The following ST8SIA3 variants were observed in gnomAD, a reference collection of about 807,000 sequenced individuals.
ST8SIA3 encodes ST8 alpha-N-acetyl-neuraminide alpha-2,8-sialyltransferase 3.
In ST8SIA3, 17 loss-of-function variants were observed where a neutral mutation model predicts 34.5. The observed-to-expected ratio is 0.49, with a 90% CI of 0.34 to 0.74. The LOEUF (loss-of-function observed/expected upper bound fraction) is 0.74. ST8SIA3 is among the 30% of genes least tolerant of loss of function. The pLI, the probability that ST8SIA3 is intolerant of heterozygous loss-of-function variation, is 0.01. For synonymous variants in ST8SIA3, 172 were observed against 176.1 expected (o/e 0.98, Z 0.19); for missense variants, 354 against 467.8 (o/e 0.76, Z 2.24).
At position 57,352,598 on chromosome 18, in the gene ST8SIA3, G is replaced by C. The variant is rs528384351; in HGVS notation, c.-249G>C. The C allele has an allele frequency of 4.6e-5, 24 of 516,884 alleles. No individual in the cohort carries two copies. Among genetic ancestry groups the C allele is most frequent in the South Asian group, 9.2e-5 (5 of 54,382 alleles). The allele number at this position is 516,884 out of a possible 1,614,324, so 32.0% of individuals were successfully genotyped here. On this transcript the variant is annotated 5_prime_UTR_variant, in exon 1 of 4. Coordinates refer to ENST00000324000, the MANE Select transcript of ST8SIA3 (RefSeq NM_015879.3). ...GCGCAGCCCCTCCATCTTCCTGCTCGGCACCGGGCCCCGCGCGCCCCTGCC... is the reference window on the plus strand; with the variant it reads ...GCGCAGCCCCTCCATCTTCCTGCTCCGCACCGGGCCCCGCGCGCCCCTGCC...
intron 3 of ST8SIA3, among the ~76,000 whole-genome samples, chr18:57,357,683 G>A (rs1410541233): frequency 6.6e-6 from 1 of 152,150 alleles, no homozygotes; most frequent in Non-Finnish European, 1.5e-5. Context: ...GTGTCAGATG[G>A]AAGGATTGGG....
rs1185173125 is a variant in ST8SIA3, at chr18:57,365,476, C to T, written c.*5199C>T. On this transcript the variant is annotated 3_prime_UTR_variant, in exon 4 of 4. Transcript: ENST00000324000. ...CTTTAATATACACTTTGTCTCAAGGCCAGCTCTTCATATTTCCCTCTTTAT... is the reference window on the plus strand; with the variant it reads ...CTTTAATATACACTTTGTCTCAAGGTCAGCTCTTCATATTTCCCTCTTTAT... 6.6e-6 allele frequency: 1 copy of T among 152,166 alleles called. No individual in the cohort carries two copies. The highest frequency in any genetic ancestry group is 6.5e-5 in the Admixed American group (1 of 15,280). 9.4% of individuals were successfully genotyped at this position (152,166 alleles called of 1,614,324 possible).
At chr18:57,355,040 A>G (rs147955360) in intron 2 of ST8SIA3, among the ~76,000 whole-genome samples, 3 of 152,322 alleles carry the variant, frequency 2.0e-5, no homozygotes, top group African/African-American at 7.2e-5. Context: ...GTATGTAGAT[A>G]TTTAACTATG....
intron 3 of ST8SIA3, among the ~76,000 whole-genome samples, chr18:57,357,754 A>C (rs2049807613): frequency 6.6e-6 from 1 of 152,220 alleles, no homozygotes; most frequent in Admixed American, 6.5e-5. Context: ...GCTATGGAGC[A>C]GTCATGGAAA....
Position 57,352,939 on chromosome 18 carries a change from G to T in ST8SIA3, c.93G>T (p.Val31=). 1 of 1,613,552 alleles carries T rather than the reference G, an allele frequency of 6.2e-7. No homozygotes were observed. The part of the protein sequence containing the change: ...ALLILSLISY[V]SLKKENIFTT... ...TGATTTTATCGCTCATCAGCTACGT[G>T]TCCCTGAAAAAGGAGAACATCTTCA... The change falls in exon 1 of 4, where the codon GTG becomes GTT. Residue 31 remains valine (V), a synonymous_variant. Coordinates refer to ENST00000324000, the MANE Select transcript of ST8SIA3 (RefSeq NM_015879.3).
rs2049824921 is a variant in ST8SIA3 at position 57,360,628 on chromosome 18, C to T, written c.*351C>T. The T allele has an allele frequency of 5.1e-6, 1 of 197,432 alleles. No individual in the cohort carries two copies. Among genetic ancestry groups the T allele is most frequent in the South Asian group, 1.3e-4 (1 of 7,744 alleles). 12.2% of individuals were successfully genotyped at this position (197,432 alleles called of 1,614,324 possible). A position where few individuals can be genotyped will look rare whatever the true frequency, so the allele number is the denominator to read the frequency against. ...TTTCTGCAGCTCTGCTCAGATAGTCCTCATAATCAGAGGCCTCTGGCCAAC... is the reference window on the plus strand; with the variant it reads ...TTTCTGCAGCTCTGCTCAGATAGTCTTCATAATCAGAGGCCTCTGGCCAAC... On this transcript the variant is annotated 3_prime_UTR_variant, in exon 4 of 4. Transcript: ENST00000324000.
At chr18:57,355,446 A>C (rs1311988376) in intron 2 of ST8SIA3, among the ~76,000 whole-genome samples, 1 of 152,222 alleles carries the variant, frequency 6.6e-6, no homozygotes, top group Non-Finnish European at 1.5e-5. Context: ...ATCTATGGGC[A>C]GAATTAAAAC....
At chr18:57,358,989 A>G (rs536411284) in intron 3 of ST8SIA3, among the ~76,000 whole-genome samples, 55 of 152,344 alleles carry the variant, frequency 3.6e-4, no homozygotes, top group African/African-American at 1.2e-3. Flanking sequence ...GAAATCTTCA[A>G]GTAGTGAAGA....
rs1478294539 is a variant in ST8SIA3 at position 57,365,216 on chromosome 18, TC to T, written c.*4941del. ...CATTTGGAAACCAGTAATATATACA[TC>T]CGGAGTCATATATACCATTTTGAAC... On this transcript the variant is annotated 3_prime_UTR_variant, in exon 4 of 4. Transcript: ENST00000324000. The T allele has an allele frequency of 1.3e-5, 2 of 152,188 alleles. No individual in the cohort carries two copies. The highest frequency in any genetic ancestry group is 2.9e-5 in the Non-Finnish European group (2 of 68,038). 9.4% of individuals were successfully genotyped at this position (152,188 alleles called of 1,614,324 possible). A position where few individuals can be genotyped will look rare whatever the true frequency, so the allele number is the denominator to read the frequency against.
At chr18:57,353,778 C>T (rs146335686) in intron 1 of ST8SIA3, among the ~76,000 whole-genome samples, 62 of 152,306 alleles carry the variant, frequency 4.1e-4, no homozygotes, top group Non-Finnish European at 7.1e-4. Context: ...ACTCTCCCAG[C>T]AGGGCCTCCT....
Position 57,360,021 on chromosome 18 carries a change from C to T in ST8SIA3, c.887C>T (p.Pro296Leu), listed in dbSNP as rs774863901. The change falls in exon 4 of 4, where the codon CCT becomes CTT. Residue 296 changes from proline (P) to leucine (L), a missense_variant. Coordinates refer to ENST00000324000, the MANE Select transcript of ST8SIA3 (RefSeq NM_015879.3). The part of the protein sequence containing the change: ...NRYWKNKHLS[P>L]KRLSTGILMY... ...TACTGGAAAAACAAACATTTGTCAC[C>T]TAAACGGCTGAGCACAGGTATTCTT... 1 of 1,612,852 alleles carries T rather than the reference C, an allele frequency of 6.2e-7. No individual in the cohort carries two copies. Among genetic ancestry groups the T allele is most frequent in the Non-Finnish European group, 8.5e-7 (1 of 1,178,904 alleles).
At position 57,354,534 on chromosome 18, in the gene ST8SIA3, G is replaced by A. The variant is rs776057616; in HGVS notation, c.302+10G>A. The stretch of plus-strand genomic sequence containing the variant: ...CGTTTTTACATCAAAGGTAGGATAG[G>A]AGGAAAAGATCCAAAAGGTGCTTTT... On this transcript the variant is annotated intron_variant, in intron 2 of 3. Transcript: ENST00000324000. 1 of 1,613,802 alleles carries A rather than the reference G, an allele frequency of 6.2e-7. No individual in the cohort carries two copies.
At position 57,353,844 on chromosome 18, in the gene ST8SIA3, G is replaced by A. The variant is rs139570851; in HGVS notation, c.180-558G>A. Among the ~76,000 whole-genome samples, 296 of 152,322 alleles carry A rather than the reference G, an allele frequency of 1.9e-3. 1 individual carries two copies. Among genetic ancestry groups the A allele is most frequent in the Middle Eastern group, 3.4e-3 (1 of 294 alleles). ...CTGTGGTCCAAGCTGGGACCGAGGC[G>A]AGGAACCCAGAGGAGCCTCGCCTGG... On this transcript the variant is annotated intron_variant, in intron 1 of 3. Coordinates refer to ENST00000324000, the MANE Select transcript of ST8SIA3 (RefSeq NM_015879.3).
Position 57,361,172 on chromosome 18 carries a change from G to C in ST8SIA3, c.*895G>C, listed in dbSNP as rs977231117. 6.6e-6 allele frequency: 1 copy of C among 152,210 alleles called. No individual in the cohort carries two copies. Among genetic ancestry groups the C allele is most frequent in the South Asian group, 2.1e-4 (1 of 4,830 alleles). 9.4% of individuals were successfully genotyped at this position (152,210 alleles called of 1,614,324 possible). A position where few individuals can be genotyped will look rare whatever the true frequency, so the allele number is the denominator to read the frequency against. ...GTAAGGCCATTCCAGCCTAAATTTA[G>C]TGTCTCCCATAATCCCAACCCATGC... is the stretch of plus-strand genomic sequence containing the variant. On this transcript the variant is annotated 3_prime_UTR_variant, in exon 4 of 4. Coordinates refer to ENST00000324000, the MANE Select transcript of ST8SIA3 (RefSeq NM_015879.3).
chr18:57,359,936 T>G lies in ST8SIA3; in HGVS notation c.861-59T>G, dbSNP rs184199169. 9.2e-4 allele frequency: 1,346 copies of G among 1,468,240 alleles called. 2 individuals are homozygous for G. Among genetic ancestry groups the G allele is most frequent in the Admixed American group, 1.7e-3 (97 of 57,098 alleles). 91.0% of individuals were successfully genotyped at this position (1,468,240 alleles called of 1,614,324 possible). A position where few individuals can be genotyped will look rare whatever the true frequency, so the allele number is the denominator to read the frequency against. On this transcript the variant is annotated intron_variant, in intron 3 of 3. Transcript: ENST00000324000. ...ACTACCCAGCCCAGTCAGATAGACC[T>G]TGCTGATTGAAACTTTCAACGCTGA... is the stretch of plus-strand genomic sequence containing the variant.
Position 57,364,608 on chromosome 18 carries a change from G to A in ST8SIA3, c.*4331G>A, listed in dbSNP as rs2049850074. The A allele has an allele frequency of 6.6e-6, 1 of 152,214 alleles. No individual in the cohort carries two copies. Among genetic ancestry groups the A allele is most frequent in the African/African-American group, 2.4e-5 (1 of 41,412 alleles). The allele number at this position is 152,214 out of a possible 1,614,324, so 9.4% of individuals were successfully genotyped here. The stretch of plus-strand genomic sequence containing the variant: ...GAACTGTCACTTTGCTTACAAAGGG[G>A]CTGTGTGTTTGTGGCTGGCAGCCCA... On this transcript the variant is annotated 3_prime_UTR_variant, in exon 4 of 4. Transcript: ENST00000324000.
intron 3 of ST8SIA3, 64 bp downstream of exon 3, chr18:57,357,534 T>G: frequency 7.5e-7 from 1 of 1,337,646 alleles, no homozygotes; most frequent in Non-Finnish European, 1.0e-6. Flanking sequence ...TTGTAATCTC[T>G]TGGGGGTGGG....
chr18:57,364,036 C>T lies in ST8SIA3; in HGVS notation c.*3759C>T, dbSNP rs539378799. ...ATAAAAGAGGAAAAAAGGTTCTCCT[C>T]TCCCTCCCAAAAATGACTTCCCAAC... On this transcript the variant is annotated 3_prime_UTR_variant, in exon 4 of 4. Coordinates refer to ENST00000324000, the MANE Select transcript of ST8SIA3 (RefSeq NM_015879.3). The T allele has an allele frequency of 6.6e-6, 1 of 152,332 alleles. No homozygotes were observed. Among genetic ancestry groups the T allele is most frequent in the South Asian group, 2.1e-4 (1 of 4,828 alleles). 9.4% of individuals were successfully genotyped at this position (152,332 alleles called of 1,614,324 possible). A position where few individuals can be genotyped will look rare whatever the true frequency, so the allele number is the denominator to read the frequency against.
In ST8SIA3 at chr18:57,362,080, T is replaced by G. The variant is rs2049834624; in HGVS notation, c.*1803T>G. On this transcript the variant is annotated 3_prime_UTR_variant, in exon 4 of 4. Transcript: ENST00000324000. ...ATTAACTAATGAAAGAAACACCAAG[T>G]TCAAATGTGTTACCAATTATGACAC... The G allele has an allele frequency of 6.6e-6, 1 of 152,184 alleles. No individual in the cohort carries two copies. The highest frequency in any genetic ancestry group is 1.5e-5 in the Non-Finnish European group (1 of 68,032). The allele number at this position is 152,184 out of a possible 1,614,324, so 9.4% of individuals were successfully genotyped here. A position where few individuals can be genotyped will look rare whatever the true frequency, so the allele number is the denominator to read the frequency against.
Sources: gnomAD v4.1 joint callset for allele counts (sites outside exome capture counted in the v4.1 genomes callset) on GRCh38, gnomAD v4.1.1 for gene constraint, MANE v1.5 for transcripts, NCBI Gene and HGNC (gene_info 2026-07-23, HGNC 2026-07-21) for gene names.